The following CNBD1 variants were observed in gnomAD, a reference collection of about 807,000 sequenced individuals.
CNBD1 encodes cyclic nucleotide binding domain containing 1.
CNBD1 carries 71 observed loss-of-function variants against 54.4 expected under a neutral mutation model. That is an observed-to-expected ratio of 1.30 (90% CI 1.08 to 1.59). CNBD1 has a LOEUF of 1.59. Among genes scored for constraint, CNBD1 ranks in the 40% most tolerant of loss-of-function variants. The probability of loss-of-function intolerance (pLI) is 0.00; values close to 1 mark genes in which losing one functional copy is unlikely to be tolerated. For synonymous variants in CNBD1, 182 were observed against 170.7 expected (o/e 1.07, Z -0.51); for missense variants, 659 against 518.0 (o/e 1.27, Z -2.64).
At position 87,116,195 on chromosome 8, in the gene CNBD1, C is replaced by CTTT. The variant is rs71556428; in HGVS notation, c.432-89776_432-89774dup. Among the ~76,000 whole-genome samples the CTTT allele has an allele frequency of 3.6e-3, 270 of 74,522 alleles. 5 individuals are homozygous for CTTT. Among genetic ancestry groups the CTTT allele is most frequent in the African/African-American group, 6.2e-3 (109 of 17,564 alleles). 48.9% of individuals were successfully genotyped at this position (74,522 alleles called of 152,430 possible). On this transcript the variant is annotated intron_variant, in intron 4 of 10. Coordinates refer to ENST00000518476, the MANE Select transcript of CNBD1 (RefSeq NM_173538.3). ...TTGCTATTTTATTCTATTCTCATGT[C>CTTT]TTTTTTTTTTTTTTTTTTTTTTTTG... is the stretch of plus-strand genomic sequence containing the variant.
intron 2 of CNBD1, among the ~76,000 whole-genome samples, chr8:87,395,117 G>A (rs982641466): frequency 2.0e-5 from 3 of 151,802 alleles, no homozygotes; most frequent in Non-Finnish European, 4.4e-5. Context: ...AGGCAAATAT[G>A]ACTATAGAGT....
In CNBD1 at chr8:87,182,004, G is replaced by A. The variant is rs1032475377; in HGVS notation, c.432-23989G>A. On this transcript the variant is annotated intron_variant, in intron 4 of 10. Transcript: ENST00000518476. The surrounding 1 kb of genome is among the most constrained non-coding windows in gnomAD (Gnocchi z 4.1). ...CATGATTTTGTCACCCAGGTAGTGA[G>A]CATAGTATCTGATAGGTAGTTTTTT... 3.9e-5 allele frequency among the ~76,000 whole-genome samples: 6 copies of A among 152,270 alleles called. No individual in the cohort carries two copies. Among genetic ancestry groups the A allele is most frequent in the African/African-American group, 1.4e-4 (6 of 41,562 alleles).
chr8:86,937,996 T>A (rs1174135311), intron 3 of CNBD1, among the ~76,000 whole-genome samples: 1 of 152,180 alleles, frequency 6.6e-6, no homozygotes, highest in East Asian at 1.9e-4. Context: ...CATATCTTTG[T>A]GAATACATAA....
rs879021181 is a variant in CNBD1 at position 87,286,465 on chromosome 8, C to T, written c.910-74C>T. The T allele has an allele frequency of 1.8e-5, 16 of 870,812 alleles. No homozygotes were observed. In the South Asian group the frequency reaches 2.6e-4, roughly 14 times the overall value. The allele number at this position is 870,812 out of a possible 1,614,324, so 53.9% of individuals were successfully genotyped here. A position where few individuals can be genotyped will look rare whatever the true frequency, so the allele number is the denominator to read the frequency against. ...ATGGCCTTTATTTTACTTCTCTCAC[C>T]ATTTATCTATTTGCTATTTCTTTGA... is the stretch of plus-strand genomic sequence containing the variant. On this transcript the variant is annotated intron_variant, in intron 7 of 10. Coordinates refer to ENST00000518476, the MANE Select transcript of CNBD1 (RefSeq NM_173538.3).
At chr8:86,878,690 T>C (rs942531198) in intron 1 of CNBD1, among the ~76,000 whole-genome samples, 2 of 152,196 alleles carry the variant, frequency 1.3e-5, no homozygotes, top group African/African-American at 4.8e-5. Flanking sequence ...CATCTTCCCA[T>C]TTCAAGTAAG....
chr8:87,267,504 A>C (rs1267595468), intron 6 of CNBD1, among the ~76,000 whole-genome samples: 1 of 152,184 alleles, frequency 6.6e-6, no homozygotes, highest in Non-Finnish European at 1.5e-5. Context: ...AACATGGCTT[A>C]TAACAAAGAA....
chr8:87,003,720 TACA>T (rs1357683258), intron 4 of CNBD1, among the ~76,000 whole-genome samples: 1 of 152,002 alleles, frequency 6.6e-6, no homozygotes, highest in African/African-American at 2.4e-5. Flanking sequence ...ACCCAAAAAT[TACA>T]ACAAGAAGGA....
chr8:87,018,877 AC>A (rs1158120394), intron 4 of CNBD1, among the ~76,000 whole-genome samples: 4 of 152,222 alleles, frequency 2.6e-5, no homozygotes, highest in South Asian at 4.1e-4. Flanking sequence ...AAAAGGGGGT[AC>A]TAAAAATGCC....
intron 4 of CNBD1, among the ~76,000 whole-genome samples, chr8:87,174,104 G>T (rs549294040): frequency 6.6e-6 from 1 of 151,852 alleles, no homozygotes; most frequent in Admixed American, 6.6e-5. Flanking sequence ...GACTATAGGC[G>T]CACACCACCA....
intron 4 of CNBD1, among the ~76,000 whole-genome samples, chr8:86,951,119 T>C (rs1807607171): frequency 6.6e-6 from 1 of 152,158 alleles, no homozygotes; most frequent in Non-Finnish European, 1.5e-5. Context: ...TTTTTAAGTT[T>C]TCAGCACTTA....
chr8:87,195,184 G>GT (rs1320401786), intron 4 of CNBD1, among the ~76,000 whole-genome samples: 1 of 147,774 alleles, frequency 6.8e-6, no homozygotes, highest in Non-Finnish European at 1.5e-5. Context: ...TGCCCGGCCC[G>GT]TTTAGTATTT....
intron 10 of CNBD1, among the ~76,000 whole-genome samples, chr8:87,363,921 T>C (rs1810578966): frequency 1.3e-5 from 2 of 151,960 alleles, no homozygotes; most frequent in Admixed American, 1.3e-4. Flanking sequence ...ATTCATGAAG[T>C]CCTTGCCCAT....
intron 1 of CNBD1, among the ~76,000 whole-genome samples, chr8:86,880,741 C>T (rs1808595235): frequency 6.6e-6 from 1 of 151,954 alleles, no homozygotes; most frequent in Non-Finnish European, 1.5e-5. Context: ...AACTTCAGGC[C>T]AATAACCTTT....
At chr8:87,317,708 G>A (rs1229908535) in intron 8 of CNBD1, among the ~76,000 whole-genome samples, 1 of 151,854 alleles carries the variant, frequency 6.6e-6, no homozygotes, top group Non-Finnish European at 1.5e-5. Context: ...TTTTAAAAAT[G>A]TGTATTCTGG....
intron 5 of CNBD1, among the ~76,000 whole-genome samples, chr8:87,212,446 C>A (rs976443480): frequency 3.9e-5 from 6 of 152,086 alleles, no homozygotes; most frequent in African/African-American, 4.8e-5. Context: ...ACTCACACTT[C>A]TCTATTTCAA....
At chr8:87,167,848 T>C (rs2130765481) in intron 4 of CNBD1, among the ~76,000 whole-genome samples, 1 of 152,140 alleles carries the variant, frequency 6.6e-6, no homozygotes, top group East Asian at 1.9e-4. Context: ...TATTGTGCCA[T>C]TTTATTGGCA....
At chr8:86,988,586 G>T (rs1297379579) in intron 4 of CNBD1, among the ~76,000 whole-genome samples, 1 of 151,896 alleles carries the variant, frequency 6.6e-6, no homozygotes, top group Non-Finnish European at 1.5e-5. Context: ...AATTATTGTT[G>T]ACTGTGGCCA....
At chr8:86,879,487 T>G (rs1372178405) in intron 1 of CNBD1, among the ~76,000 whole-genome samples, 1 of 151,990 alleles carries the variant, frequency 6.6e-6, no homozygotes, top group Non-Finnish European at 1.5e-5. Context: ...TATGGATGAG[T>G]TTTTTAAGTT....
chr8:86,940,132 C>CTTTTTTTTTTTTTTTTTTTTTTTTTTTT (rs10671983), intron 4 of CNBD1, among the ~76,000 whole-genome samples: 1 of 88,732 alleles, frequency 1.1e-5, no homozygotes, highest in Non-Finnish European at 2.0e-5. Flanking sequence ...CCACATGTTA[C>CTTTTTTTTTTTTTTTTTTTTTTTTTTTT]TTTTTTTTTT....
Sources: allele counts gnomAD v4.1 joint callset (sites outside exome capture counted in the v4.1 genomes callset), GRCh38; gene constraint gnomAD v4.1.1; non-coding constraint Gnocchi (gnomAD v3.1); transcripts MANE v1.5; gene names NCBI Gene and HGNC (gene_info 2026-07-23, HGNC 2026-07-21).